Variants in EIF4E observed in about 807,000 individuals in gnomAD.
EIF4E encodes the protein eukaryotic translation initiation factor 4E, also known as eIF-4F 25 kDa subunit.
For synonymous variants in EIF4E, 71 were observed against 88.5 expected (o/e 0.80, Z 1.11); for missense variants, 113 against 265.6 (o/e 0.43, Z 3.99).
In EIF4E at chr4:98,880,904, T is replaced by TA; in HGVS notation, c.*123dup. On this transcript the variant is annotated 3_prime_UTR_variant, in exon 7 of 7. Coordinates refer to ENST00000450253, the MANE Select transcript of EIF4E (RefSeq NM_001968.5). ...GAATGAGACTTCTCTTATATCTGAG[T>TA]AACATTAAGATGGAAATCAAATTTA... 6.6e-7 allele frequency: 1 copy of TA among 1,504,516 alleles called. No individual in the cohort carries two copies. Among genetic ancestry groups the TA allele is most frequent in the Non-Finnish European group, 8.9e-7 (1 of 1,118,096 alleles). The allele number at this position is 1,504,516 out of a possible 1,614,324, so 93.2% of individuals were successfully genotyped here. A position where few individuals can be genotyped will look rare whatever the true frequency, so the allele number is the denominator to read the frequency against.
chr4:98,910,253 A>G (rs778040926), intron 1 of EIF4E, among the ~76,000 whole-genome samples: 4 of 152,240 alleles, frequency 2.6e-5, no homozygotes, highest in Non-Finnish European at 5.9e-5. Flanking sequence ...TTGAAATAAA[A>G]AACACATGGA....
At chr4:98,904,824 A>C (rs1466855139) in intron 1 of EIF4E, among the ~76,000 whole-genome samples, 1 of 152,148 alleles carries the variant, frequency 6.6e-6, no homozygotes, top group Non-Finnish European at 1.5e-5. Context: ...CAACTTAAAA[A>C]AGGAGCTACA....
In EIF4E at chr4:98,912,857, A is replaced by T. The variant is rs551386785; in HGVS notation, c.19-10875T>A. On this transcript the variant is annotated intron_variant, in intron 1 of 6. Transcript: ENST00000450253. ...TCATGATACTAAATTCTAGTTTTTTAAAAAAATCAATCTTTACATGTCACA... is the reference window on the plus strand; with the variant it reads ...TCATGATACTAAATTCTAGTTTTTTTAAAAAATCAATCTTTACATGTCACA... 1.1e-4 allele frequency among the ~76,000 whole-genome samples: 17 copies of T among 152,262 alleles called. No individual in the cohort carries two copies. The East Asian group carries it at 1.2e-3, about 10-fold the overall frequency.
chr4:98,899,870 A>G (rs1369337342), intron 2 of EIF4E, among the ~76,000 whole-genome samples: 3 of 152,176 alleles, frequency 2.0e-5, no homozygotes, highest in Non-Finnish European at 4.4e-5. Flanking sequence ...AAATAATGAG[A>G]AAACTGCCAA....
chr4:98,884,361 G>T (rs893158740), intron 6 of EIF4E, among the ~76,000 whole-genome samples: 1 of 152,048 alleles, frequency 6.6e-6, no homozygotes, highest in Admixed American at 6.6e-5. Flanking sequence ...GTGCTCTAGT[G>T]GTTATATACT....
chr4:98,924,587 G>A (rs1482428374), intron 1 of EIF4E, among the ~76,000 whole-genome samples: 1 of 145,536 alleles, frequency 6.9e-6, no homozygotes, highest in Non-Finnish European at 1.6e-5. Flanking sequence ...TGTGAAATTT[G>A]TTTCTGTTTT....
intron 2 of EIF4E, among the ~76,000 whole-genome samples, chr4:98,892,321 C>CAAAAAAA (rs1456886690): frequency 3.4e-5 from 3 of 88,630 alleles, no homozygotes; most frequent in Non-Finnish European, 4.3e-5. Context: ...AATTCCATCT[C>CAAAAAAA]AAAAAACAAA....
chr4:98,906,445 C>G (rs938144587), intron 1 of EIF4E, among the ~76,000 whole-genome samples: 5 of 152,174 alleles, frequency 3.3e-5, no homozygotes, highest in African/African-American at 1.2e-4. Flanking sequence ...TCTGCTGAAA[C>G]TAATCAAATT....
At chr4:98,909,315 C>T (rs996710548) in intron 1 of EIF4E, among the ~76,000 whole-genome samples, 2 of 152,128 alleles carry the variant, frequency 1.3e-5, no homozygotes, top group African/African-American at 4.8e-5. Flanking sequence ...TTATTTAATA[C>T]AAATATGTAA....
chr4:98,882,527 G>A (rs1723742294), intron 6 of EIF4E, among the ~76,000 whole-genome samples: 1 of 151,300 alleles, frequency 6.6e-6, no homozygotes, highest in Non-Finnish European at 1.5e-5. Flanking sequence ...ATGATACTAG[G>A]ATAGGTTTTT....
intron 2 of EIF4E, among the ~76,000 whole-genome samples, chr4:98,898,348 C>G: frequency 6.6e-6 from 1 of 152,080 alleles, no homozygotes; most frequent in East Asian, 1.9e-4. Flanking sequence ...GTGGCTCATG[C>G]CTGTAATCCC....
intron 1 of EIF4E, among the ~76,000 whole-genome samples, chr4:98,907,907 A>G (rs2110205783): frequency 6.6e-6 from 1 of 152,316 alleles, no homozygotes; most frequent in East Asian, 1.9e-4. Flanking sequence ...ACTTGAGATG[A>G]CATTAATGTA....
chr4:98,889,455 G>GACA (rs1724062412), intron 3 of EIF4E, among the ~76,000 whole-genome samples: 1 of 152,114 alleles, frequency 6.6e-6, no homozygotes, highest in Admixed American at 6.5e-5. Context: ...CTCTTCTGTG[G>GACA]TGCTCAAAGG....
Position 98,880,867 on chromosome 4 carries a change from C to T in EIF4E, c.*161G>A, listed in dbSNP as rs1232487889. 2.5e-6 allele frequency: 3 copies of T among 1,199,768 alleles called. No homozygotes were observed. The highest frequency in any genetic ancestry group is 6.4e-5 in the Admixed American group (2 of 31,350). 74.3% of individuals were successfully genotyped at this position (1,199,768 alleles called of 1,614,324 possible). A position where few individuals can be genotyped will look rare whatever the true frequency, so the allele number is the denominator to read the frequency against. On this transcript the variant is annotated 3_prime_UTR_variant, in exon 7 of 7. Coordinates refer to ENST00000450253, the MANE Select transcript of EIF4E (RefSeq NM_001968.5). ...AAAAAAAAAAATGAACACAGAAGTA[C>T]AAGACAAAGGCGAATGAGACTTCTC...
At chr4:98,890,531 T>G (rs774284089) in intron 3 of EIF4E, among the ~76,000 whole-genome samples, 105 of 152,298 alleles carry the variant, frequency 6.9e-4, no homozygotes, top group Middle Eastern at 6.8e-3. Context: ...CAGGGACTCA[T>G]GTTGACCAGG....
intron 1 of EIF4E, chr4:98,909,675 C>T: frequency 1.4e-6 from 1 of 711,684 alleles, no homozygotes; most frequent in Non-Finnish European, 2.6e-6. Context: ...CAAGGCTTAT[C>T]ACCTGGGATT....
chr4:98,918,100 C>T (rs969650943), intron 1 of EIF4E, among the ~76,000 whole-genome samples: 9 of 150,586 alleles, frequency 6.0e-5, no homozygotes, highest in East Asian at 2.0e-4. Flanking sequence ...TGGTGGCTCA[C>T]GCCTGTAATC....
At chr4:98,885,559 C>T (rs1723884238) in intron 5 of EIF4E, among the ~76,000 whole-genome samples, 1 of 152,074 alleles carries the variant, frequency 6.6e-6, no homozygotes, top group African/African-American at 2.4e-5. Context: ...ATGATCCTTC[C>T]ACCTCAGCCT....
intron 1 of EIF4E, among the ~76,000 whole-genome samples, chr4:98,922,363 C>G (rs1725681905): frequency 6.6e-6 from 1 of 152,118 alleles, no homozygotes; most frequent in African/African-American, 2.4e-5. Flanking sequence ...CGAGACCAGC[C>G]TGGCCAATAT....
Sources: allele counts gnomAD v4.1 joint callset (sites outside exome capture counted in the v4.1 genomes callset), GRCh38; gene constraint gnomAD v4.1.1; transcripts MANE v1.5; gene names NCBI Gene and HGNC (gene_info 2026-07-23, HGNC 2026-07-21).